The following ATRN variants were observed in gnomAD, a reference collection of about 807,000 sequenced individuals.
ATRN encodes the protein attractin, also known as attractin-2.
A neutral mutation model predicts 178.7 loss-of-function variants in ATRN; 54 were observed. The ratio of observed to expected loss-of-function variants is 0.30; its 90% CI spans 0.24 to 0.38. The LOEUF is 0.38. Among genes scored for constraint, ATRN ranks in the 10% least tolerant of loss-of-function variants. The pLI is 1.00. For missense variants in ATRN, 1,443 were observed against 1,815.1 expected (o/e 0.79, Z 3.73); for synonymous variants, 636 against 663.0 (o/e 0.96, Z 0.63).
chr20:3,633,589 A>G (rs1434737922), intron 25 of ATRN, among the ~76,000 whole-genome samples: 5 of 152,190 alleles, frequency 3.3e-5, no homozygotes, highest in African/African-American at 1.2e-4. Context: ...CAGTTATAGC[A>G]GTTATCTATT....
intron 19 of ATRN, among the ~76,000 whole-genome samples, chr20:3,594,203 AG>A (rs1262908419): frequency 6.6e-6 from 1 of 152,234 alleles, no homozygotes; most frequent in East Asian, 1.9e-4. Context: ...AGTGAAAAAG[AG>A]AGTCTATTGA....
intron 24 of ATRN, among the ~76,000 whole-genome samples, chr20:3,605,828 T>G (rs1227822846): frequency 1.3e-5 from 2 of 152,136 alleles, no homozygotes; most frequent in African/African-American, 4.8e-5. Context: ...TGAGATGATG[T>G]GTGTAGCAAA....
intron 27 of ATRN, among the ~76,000 whole-genome samples, chr20:3,642,749 G>C (rs1283359334): frequency 6.6e-6 from 1 of 152,140 alleles, no homozygotes; most frequent in Non-Finnish European, 1.5e-5. Context: ...GAATTCTAAA[G>C]GTGGCCCTCA....
At chr20:3,643,723 T>C (rs193134645) in intron 27 of ATRN, among the ~76,000 whole-genome samples, 1 of 152,348 alleles carries the variant, frequency 6.6e-6, no homozygotes, top group Admixed American at 6.5e-5. Context: ...CAAAATAGAA[T>C]GTTTTTTAAG....
chr20:3,578,571 C>A lies in ATRN; in HGVS notation c.2354-11C>A. 1 of 1,594,078 alleles carries A rather than the reference C, an allele frequency of 6.3e-7. No homozygotes were observed. The highest frequency in any genetic ancestry group is 8.6e-7 in the Non-Finnish European group (1 of 1,168,422). ...AAAATTCTTTTCTTTCTCTTTTCCC[C>A]TTAATGAAAGAAAATATCTGTGGCA... On this transcript the variant is annotated splice_polypyrimidine_tract_variant and intron_variant, in intron 14 of 28. Coordinates refer to ENST00000262919, the MANE Select transcript of ATRN (RefSeq NM_139321.3).
At chr20:3,495,511 C>G (rs2084866107) in intron 1 of ATRN, among the ~76,000 whole-genome samples, 1 of 152,098 alleles carries the variant, frequency 6.6e-6, no homozygotes. Flanking sequence ...TTTAGTTAAC[C>G]TTTTTGTTTA....
intron 6 of ATRN, among the ~76,000 whole-genome samples, chr20:3,558,134 A>T (rs957967982): frequency 1.8e-4 from 27 of 152,190 alleles, no homozygotes; most frequent in African/African-American, 6.5e-4. Flanking sequence ...ATACTTTCAT[A>T]TATATGTTAT....
intron 24 of ATRN, among the ~76,000 whole-genome samples, chr20:3,621,391 C>T (rs2086896171): frequency 6.6e-6 from 1 of 152,220 alleles, no homozygotes; most frequent in East Asian, 1.9e-4. Context: ...TTACCCCAAA[C>T]CCTGGGGCTC....
intron 28 of ATRN, among the ~76,000 whole-genome samples, chr20:3,644,894 G>C (rs1293908763): frequency 3.3e-5 from 5 of 152,144 alleles, no homozygotes; most frequent in Non-Finnish European, 2.9e-5. Flanking sequence ...CAGCAATTTA[G>C]TTGAAATGAT....
At chr20:3,532,307 A>T (rs1224146339) in intron 1 of ATRN, among the ~76,000 whole-genome samples, 1 of 152,254 alleles carries the variant, frequency 6.6e-6, no homozygotes, top group Non-Finnish European at 1.5e-5. Flanking sequence ...GTGTACACAC[A>T]CACGGAATAA....
At chr20:3,498,018 G>T (rs1375398168) in intron 1 of ATRN, among the ~76,000 whole-genome samples, 3 of 152,110 alleles carry the variant, frequency 2.0e-5, no homozygotes, top group Non-Finnish European at 4.4e-5. Context: ...CGATCCCACA[G>T]AAATACAAAC....
chr20:3,608,877 G>A (rs1046779369), intron 24 of ATRN, among the ~76,000 whole-genome samples: 2 of 150,996 alleles, frequency 1.3e-5, no homozygotes, highest in Admixed American at 1.3e-4. Flanking sequence ...TGGGGCAGGA[G>A]AATCTCTTGA....
At chr20:3,554,894 GA>G (rs1307670237) in intron 6 of ATRN, among the ~76,000 whole-genome samples, 2 of 146,990 alleles carry the variant, frequency 1.4e-5, no homozygotes, top group Non-Finnish European at 3.0e-5. Context: ...AAAATAGTAA[GA>G]AATCAGTCAG....
chr20:3,644,327 G>T, intron 28 of ATRN, 59 bp downstream of exon 28: 1 of 1,377,778 alleles, frequency 7.3e-7, no homozygotes, highest in South Asian at 1.2e-5. Context: ...GCTAAGCATG[G>T]GATACTTCCC....
chr20:3,573,049 C>A, intron 12 of ATRN, 98 bp downstream of exon 12: 1 of 1,085,304 alleles, frequency 9.2e-7, no homozygotes, highest in Non-Finnish European at 1.3e-6. Flanking sequence ...TTTATGTTTA[C>A]CTTATCCAAA....
chr20:3,542,473 G>GT (rs35448704), intron 3 of ATRN, among the ~76,000 whole-genome samples: 1,514 of 143,312 alleles, frequency 0.011, 4 homozygotes, highest in Non-Finnish European at 0.012. Context: ...TCCTTTTAGA[G>GT]TTTTTTTTTT....
At position 3,545,849 on chromosome 20, in the gene ATRN, T is replaced by C; in HGVS notation, c.696T>C (p.Ser232=). 1.2e-6 allele frequency: 2 copies of C among 1,613,958 alleles called. No homozygotes were observed. The highest frequency in any genetic ancestry group is 1.7e-6 in the Non-Finnish European group (2 of 1,179,866). ...TSGYALLHFF[S]DAAYNLTGFN... Reference sequence around the variant, plus strand: ...GTTATGCCTTGCTGCATTTTTTTAGTGATGCTGCTTATAATTTGACTGGAT... The same window carrying C: ...GTTATGCCTTGCTGCATTTTTTTAGCGATGCTGCTTATAATTTGACTGGAT... The change falls in exon 4 of 29, where the codon AGT becomes AGC. Residue 232 remains serine, a synonymous_variant. Transcript: ENST00000262919.
intron 6 of ATRN, among the ~76,000 whole-genome samples, chr20:3,549,892 A>G (rs1444423695): frequency 2.0e-5 from 3 of 152,218 alleles, no homozygotes; most frequent in East Asian, 3.8e-4. Context: ...AAGATTGTCA[A>G]AAAACCCAGC....
chr20:3,586,452 G>A (rs1252882347), intron 18 of ATRN, among the ~76,000 whole-genome samples: 1 of 151,898 alleles, frequency 6.6e-6, no homozygotes, highest in Non-Finnish European at 1.5e-5. Flanking sequence ...GTTTTCTAGA[G>A]TAGCTGCAGC....
Sources: gnomAD v4.1 joint callset for allele counts (sites outside exome capture counted in the v4.1 genomes callset) on GRCh38, gnomAD v4.1.1 for gene constraint, MANE v1.5 for transcripts, NCBI Gene and HGNC (gene_info 2026-07-23, HGNC 2026-07-21) for gene names.